The following SAE1 variants were observed in gnomAD, a reference collection of about 807,000 sequenced individuals.
The protein encoded by SAE1 is SUMO1 activating enzyme subunit 1.
A neutral mutation model predicts 40.6 loss-of-function variants in SAE1; 11 were observed. That is an observed-to-expected ratio of 0.27 (90% confidence interval 0.17 to 0.45). SAE1 has a LOEUF of 0.45. Ranked by LOEUF, SAE1 falls within the 20% of genes least tolerant of loss-of-function variation. The pLI is 1.00. For synonymous variants in SAE1, 155 were observed against 154.3 expected (o/e 1.00, Z -0.03); for missense variants, 373 against 427.3 (o/e 0.87, Z 1.12).
chr19:47,155,163 G>A lies in SAE1; in HGVS notation c.577G>A (p.Asp193Asn), dbSNP rs140118489. Residue 193 changes from aspartate to asparagine, a missense_variant, in exon 5 of 9, where the codon GAC becomes AAC. This residue lies in a region of SAE1 where 351 missense variants were observed against 390.6 expected (regional missense o/e 0.90). Coordinates refer to ENST00000270225, the MANE Select transcript of SAE1 (RefSeq NM_005500.3). ...TAGCCAAGGAGTAGAAGATGGGCCC[G>A]ACACCAAGAGAGCAAAACTTGATTC... Reference protein sequence around the residue: ...KVSQGVEDGPDTKRAKLDSSE... With the variant: ...KVSQGVEDGPNTKRAKLDSSE... 69 of 1,613,994 alleles carry A rather than the reference G, an allele frequency of 4.3e-5. No individual in the cohort carries two copies. In the African/African-American group the frequency reaches 5.9e-4, roughly 14 times the overall value.
At chr19:47,137,728 T>TGTGTGTGTG (rs1268815000) in intron 1 of SAE1, among the ~76,000 whole-genome samples, 1 of 96,496 alleles carries the variant, frequency 1.0e-5, no homozygotes, top group African/African-American at 3.3e-5. Flanking sequence ...TGTGTGTGTG[T>TGTGTGTGTG]TGTTTTTTTT....
rs2058706740 is a variant in SAE1, at chr19:47,210,221, T to C, written c.*970T>C. ...CTTGTTTTTCTTCCACTTCAGAAGC[T>C]TCTGAGAGGGAATGGGATGATCCTA... On this transcript the variant is annotated 3_prime_UTR_variant, in exon 9 of 9. Transcript: ENST00000270225. The C allele has an allele frequency of 6.6e-6, 1 of 152,194 alleles. No homozygotes were observed. 9.4% of individuals were successfully genotyped at this position (152,194 alleles called of 1,614,324 possible). A position where few individuals can be genotyped will look rare whatever the true frequency, so the allele number is the denominator to read the frequency against.
rs142392211 is a variant in SAE1, at chr19:47,154,043, G to A, written c.527+1003G>A. Among the ~76,000 whole-genome samples the A allele has an allele frequency of 2.1e-4, 32 of 148,870 alleles. No homozygotes were observed. The East Asian group carries it at 5.4e-3, about 25-fold the overall frequency. Reference sequence around the variant, plus strand: ...GGACCTCAGGTGATCCACCCACCTCGGCCTCCCAAAGTGCTGGGATTACAC... The same window carrying A: ...GGACCTCAGGTGATCCACCCACCTCAGCCTCCCAAAGTGCTGGGATTACAC... On this transcript the variant is annotated intron_variant, in intron 4 of 8. Transcript: ENST00000270225.
At chr19:47,200,854 TTTTG>T (rs1051570877) in intron 7 of SAE1, among the ~76,000 whole-genome samples, 42 of 152,122 alleles carry the variant, frequency 2.8e-4, no homozygotes, top group Middle Eastern at 3.4e-3. Context: ...TATCTGGTTC[TTTTG>T]TTTGTTTGTT....
chr19:47,209,400 C>G lies in SAE1; in HGVS notation c.*149C>G, dbSNP rs188343952. ...TTTCCTGCAACGAAGGAGGTGGTGC[C>G]GACGTGCTGCTTCCCATCACCAGCA... On this transcript the variant is annotated 3_prime_UTR_variant, in exon 9 of 9. Transcript: ENST00000270225. 5 of 1,356,970 alleles carry G rather than the reference C, an allele frequency of 3.7e-6. No homozygotes were observed. The highest frequency in any genetic ancestry group is 5.1e-6 in the Non-Finnish European group (5 of 988,012). 84.1% of individuals were successfully genotyped at this position (1,356,970 alleles called of 1,614,324 possible).
intron 1 of SAE1, among the ~76,000 whole-genome samples, chr19:47,137,723 G>A (rs1410615713): frequency 7.4e-6 from 1 of 134,450 alleles, no homozygotes; most frequent in African/African-American, 2.7e-5. Flanking sequence ...GTGTGTGTGT[G>A]TGTGTTGTTT....
chr19:47,192,692 C>T (rs2058586658), intron 6 of SAE1, among the ~76,000 whole-genome samples: 2 of 151,718 alleles, frequency 1.3e-5, no homozygotes, highest in African/African-American at 4.8e-5. Context: ...AGGCACCCAC[C>T]ACACTTTCGG....
At chr19:47,139,500 C>T (rs902123226) in intron 1 of SAE1, among the ~76,000 whole-genome samples, 2 of 151,614 alleles carry the variant, frequency 1.3e-5, no homozygotes, top group African/African-American at 4.9e-5. Flanking sequence ...GTAGTTTTGT[C>T]GGAGAGAAAC....
At chr19:47,200,165 C>CCT (rs2058643967) in intron 7 of SAE1, among the ~76,000 whole-genome samples, 2 of 151,456 alleles carry the variant, frequency 1.3e-5, no homozygotes, top group South Asian at 4.2e-4. Context: ...GATCTCCTGA[C>CCT]CTCATGATCC....
chr19:47,131,653 G>T (rs1452067316), intron 1 of SAE1, among the ~76,000 whole-genome samples: 2 of 151,492 alleles, frequency 1.3e-5, no homozygotes, highest in African/African-American at 4.9e-5. Context: ...GTCTTGATAG[G>T]ACAGGAGACG....
chr19:47,150,450 C>A, intron 3 of SAE1, 75 bp downstream of exon 3: 1 of 1,171,426 alleles, frequency 8.5e-7, no homozygotes, highest in Non-Finnish European at 1.2e-6. Flanking sequence ...TTTCAAATCC[C>A]AAAGCAATCT....
chr19:47,152,400 G>A (rs2123211640), intron 3 of SAE1, among the ~76,000 whole-genome samples: 1 of 152,312 alleles, frequency 6.6e-6, no homozygotes, highest in Non-Finnish European at 1.5e-5. Context: ...GTGGAAAAAT[G>A]ATCTCAACAG....
chr19:47,167,535 C>T (rs1002687814), intron 5 of SAE1, among the ~76,000 whole-genome samples: 21 of 152,148 alleles, frequency 1.4e-4, no homozygotes, highest in Non-Finnish European at 2.1e-4. Context: ...CCACTGCGCC[C>T]AGCCAACAAT....
chr19:47,146,489 T>C (rs78654818), intron 2 of SAE1, among the ~76,000 whole-genome samples: 1,726 of 152,118 alleles, frequency 0.011, 28 homozygotes, highest in African/African-American at 0.04. Context: ...GTGGTAGAAT[T>C]GGGAGGTCTG....
chr19:47,206,352 G>T (rs989190311), intron 8 of SAE1, among the ~76,000 whole-genome samples: 18 of 152,216 alleles, frequency 1.2e-4, no homozygotes, highest in Non-Finnish European at 2.4e-4. Flanking sequence ...CCTTCAGCCA[G>T]CTGGCAGGCG....
intron 6 of SAE1, 40 bp from the exon 7 acceptor site, chr19:47,197,193 A>T: frequency 1.9e-6 from 3 of 1,569,808 alleles, no homozygotes. Context: ...AAAAAAAAAA[A>T]AAGTGGCTTT....
intron 6 of SAE1, among the ~76,000 whole-genome samples, chr19:47,171,099 C>T (rs559859777): frequency 5.8e-4 from 88 of 151,552 alleles, no homozygotes; most frequent in South Asian, 2.3e-3. Context: ...CTCAGCCTCC[C>T]GAGTAGCTGG....
At chr19:47,150,119 A>G (rs1035068109) in intron 2 of SAE1, 83 bp from the exon 3 acceptor site, 2 of 1,000,424 alleles carry the variant, frequency 2.0e-6, no homozygotes, top group African/African-American at 1.7e-5. Flanking sequence ...TATTTTAGCT[A>G]TCCTTTAAAA....
At chr19:47,140,717 C>A (rs2058216401) in intron 1 of SAE1, among the ~76,000 whole-genome samples, 1 of 151,970 alleles carries the variant, frequency 6.6e-6, no homozygotes, top group African/African-American at 2.4e-5. Flanking sequence ...ATCACTTGAA[C>A]CTGGGAGGTT....
Sources: gnomAD v4.1 joint callset for allele counts (sites outside exome capture counted in the v4.1 genomes callset) on GRCh38, gnomAD v4.1.1 for gene constraint, gnomAD v4.1.1 regional missense constraint, MANE v1.5 for transcripts, NCBI Gene and HGNC (gene_info 2026-07-23, HGNC 2026-07-21) for gene names.